CDC42BPA: variants seen among roughly 807,000 people sequenced by gnomAD.
CDC42BPA encodes CDC42 binding protein kinase alpha.
Under a neutral mutation model 223.5 loss-of-function variants are expected in CDC42BPA, and 80 were observed. That is an observed-to-expected ratio of 0.36 (90% CI 0.30 to 0.43). CDC42BPA has a LOEUF of 0.43. CDC42BPA is among the 20% of genes least tolerant of loss of function. The pLI, the probability that CDC42BPA is intolerant of heterozygous loss-of-function variation, is 1.00. For synonymous variants in CDC42BPA, 694 were observed against 718.6 expected (o/e 0.97, Z 0.55); for missense variants, 1,743 against 2,099.9 (o/e 0.83, Z 3.32).
intron 34 of CDC42BPA, among the ~76,000 whole-genome samples, chr1:227,010,603 CATAG>C (rs1477318493): frequency 6.6e-6 from 1 of 152,122 alleles, no homozygotes; most frequent in African/African-American, 2.4e-5. Flanking sequence ...TTTTATTAAA[CATAG>C]ATAAATCTTT....
At chr1:227,149,221 G>A (rs1369224662) in intron 6 of CDC42BPA, among the ~76,000 whole-genome samples, 6 of 152,078 alleles carry the variant, frequency 3.9e-5, no homozygotes, top group African/African-American at 9.7e-5. Flanking sequence ...GTAGAAATTC[G>A]TAACATTACA....
intron 21 of CDC42BPA, among the ~76,000 whole-genome samples, chr1:227,052,924 A>G (rs930444339): frequency 2.0e-5 from 3 of 152,228 alleles, no homozygotes; most frequent in African/African-American, 7.2e-5. Flanking sequence ...GAACTATTAA[A>G]ACAATGAATT....
chr1:227,077,549 CCTT>C (rs1315051758), intron 17 of CDC42BPA, among the ~76,000 whole-genome samples: 2 of 152,280 alleles, frequency 1.3e-5, no homozygotes, highest in East Asian at 3.9e-4. Flanking sequence ...TTACCATCCT[CCTT>C]CTTTCTTGTC....
At chr1:227,145,823 C>A in intron 7 of CDC42BPA, 86 bp from the exon 8 acceptor site, 1 of 1,056,554 alleles carries the variant, frequency 9.5e-7, no homozygotes, top group Non-Finnish European at 1.3e-6. Flanking sequence ...CTTAAAAATA[C>A]ATTTTATTTT....
intron 15 of CDC42BPA, among the ~76,000 whole-genome samples, chr1:227,092,769 C>T (rs1030532417): frequency 6.6e-6 from 1 of 152,174 alleles, no homozygotes; most frequent in African/African-American, 2.4e-5. Context: ...TTTGTATACT[C>T]TTAACCCAGA....
intron 10 of CDC42BPA, among the ~76,000 whole-genome samples, chr1:227,130,518 C>T (rs1479325129): frequency 6.6e-6 from 1 of 152,022 alleles, no homozygotes; most frequent in Non-Finnish European, 1.5e-5. Context: ...TTTTTTAAGA[C>T]ATCTAAATTG....
intron 35 of CDC42BPA, among the ~76,000 whole-genome samples, chr1:226,996,286 A>C (rs1380323147): frequency 6.6e-6 from 1 of 152,182 alleles, no homozygotes; most frequent in African/African-American, 2.4e-5. Flanking sequence ...CTTAACTTTA[A>C]AAGTCCTCCT....
At chr1:227,186,570 T>A (rs2150087159) in intron 5 of CDC42BPA, among the ~76,000 whole-genome samples, 1 of 152,296 alleles carries the variant, frequency 6.6e-6, no homozygotes, top group East Asian at 1.9e-4. Flanking sequence ...TGGTGTTCAC[T>A]GTGCAGTCTC....
chr1:227,097,099 C>T (rs1174987119), intron 15 of CDC42BPA, among the ~76,000 whole-genome samples: 4 of 151,888 alleles, frequency 2.6e-5, no homozygotes, highest in African/African-American at 9.7e-5. Flanking sequence ...CCAGTACTTT[C>T]CTCCTCTCCT....
At chr1:227,184,207 CATTT>C (rs1416604646) in intron 5 of CDC42BPA, among the ~76,000 whole-genome samples, 1 of 151,902 alleles carries the variant, frequency 6.6e-6, no homozygotes, top group Non-Finnish European at 1.5e-5. Context: ...AATGAAGTCC[CATTT>C]ATTCATTTTT....
intron 6 of CDC42BPA, among the ~76,000 whole-genome samples, chr1:227,151,903 A>T (rs1661838631): frequency 1.3e-5 from 2 of 150,712 alleles, no homozygotes; most frequent in African/African-American, 2.4e-5. Context: ...AAAAAAAAAA[A>T]TTAGCTGGGT....
At chr1:227,051,718 T>C (rs1253645150) in intron 22 of CDC42BPA, among the ~76,000 whole-genome samples, 163 bp downstream of exon 22, 1 of 152,198 alleles carries the variant, frequency 6.6e-6, no homozygotes, top group Non-Finnish European at 1.5e-5. Flanking sequence ...TGCTCTTTAG[T>C]TTTTTACTTC....
At position 227,230,812 on chromosome 1, in the gene CDC42BPA, C is replaced by CTTTTTTTTTTTT. The variant is rs1309498246; in HGVS notation, c.271-17594_271-17593insAAAAAAAAAAAA. 4.0e-3 allele frequency among the ~76,000 whole-genome samples: 444 copies of CTTTTTTTTTTTT among 111,624 alleles called. 7 individuals carry two copies. Among genetic ancestry groups the CTTTTTTTTTTTT allele is most frequent in the Non-Finnish European group, 5.4e-3 (292 of 53,598 alleles). The allele number at this position is 111,624 out of a possible 152,430, so 73.2% of individuals were successfully genotyped here. On this transcript the variant is annotated intron_variant, in intron 2 of 36. Coordinates refer to ENST00000366766, the MANE Select transcript of CDC42BPA (RefSeq NM_001394014.1). ...GCTAACTGATTTCTATTTCTTTTTT[C>CTTTTTTTTTTTT]TTTCTTTCTTTTTTTTTTTTTTTTT...
Position 227,145,706 on chromosome 1 carries a change from TC to T in CDC42BPA, c.925del (p.Asp309MetfsTer26). ...ERFQFPAQVT[D>X]VSENAKDLIR... ...AAGATCCTTAGCATTTTCAGACACA[TC>T]AGTCACTTGGGCTGGAAACTGAAAC... is the stretch of plus-strand genomic sequence containing the variant. On this transcript the variant is annotated frameshift_variant, in exon 8 of 37. Coordinates refer to ENST00000366766, the MANE Select transcript of CDC42BPA (RefSeq NM_001394014.1). LOFTEE classifies it high-confidence loss of function. 6.2e-7 allele frequency: 1 copy of T among 1,613,586 alleles called. No individual in the cohort carries two copies. Among genetic ancestry groups the T allele is most frequent in the Non-Finnish European group, 8.5e-7 (1 of 1,179,630 alleles).
At chr1:227,006,917 C>A (rs568269561) in intron 34 of CDC42BPA, among the ~76,000 whole-genome samples, 67 of 67,356 alleles carry the variant, frequency 9.9e-4, no homozygotes, top group Middle Eastern at 0.016. Flanking sequence ...CCGGCCTGGG[C>A]GTGCACTCAC....
chr1:227,135,592 T>C (rs968150440), intron 10 of CDC42BPA, among the ~76,000 whole-genome samples: 3 of 152,026 alleles, frequency 2.0e-5, no homozygotes, highest in African/African-American at 7.2e-5. Flanking sequence ...CAGTGGCTCT[T>C]GCCTGTAATC....
intron 10 of CDC42BPA, among the ~76,000 whole-genome samples, chr1:227,132,421 G>C (rs572257130): frequency 7.7e-4 from 116 of 149,982 alleles, no homozygotes; most frequent in African/African-American, 2.7e-3. Flanking sequence ...ACGGAGTCTC[G>C]TTCACTCAGT....
chr1:227,142,326 A>G (rs961404563), intron 9 of CDC42BPA, among the ~76,000 whole-genome samples: 3 of 152,140 alleles, frequency 2.0e-5, no homozygotes, highest in African/African-American at 7.2e-5. Context: ...AGGATGGTAG[A>G]ATTAATGGGT....
intron 6 of CDC42BPA, among the ~76,000 whole-genome samples, chr1:227,148,280 C>T (rs1256560365): frequency 6.6e-6 from 1 of 152,008 alleles, no homozygotes; most frequent in Non-Finnish European, 1.5e-5. Context: ...CACAGCAAGA[C>T]CCTATCTCTG....
Sources: allele counts gnomAD v4.1 joint callset (sites outside exome capture counted in the v4.1 genomes callset), GRCh38; gene constraint gnomAD v4.1.1; transcripts MANE v1.5; gene names NCBI Gene and HGNC (gene_info 2026-07-23, HGNC 2026-07-21).